CFAP57: variants seen among roughly 807,000 people sequenced by gnomAD.
CFAP57 encodes the protein cilia and flagella associated protein 57.
CFAP57 carries 116 observed loss-of-function variants against 146.8 expected under a neutral mutation model. That is an observed-to-expected ratio of 0.79 (90% CI 0.68 to 0.92). The LOEUF (loss-of-function observed/expected upper bound fraction) is 0.92, where lower values mean the gene tolerates loss of function less well. CFAP57 is among the 40% of genes least tolerant of loss of function. The probability of loss-of-function intolerance (pLI) is 0.00; values close to 1 mark genes in which losing one functional copy is unlikely to be tolerated. For missense variants in CFAP57, 1,377 were observed against 1,527.2 expected (o/e 0.90, Z 1.64); for synonymous variants, 518 against 552.8 (o/e 0.94, Z 0.88).
intron 5 of CFAP57, among the ~76,000 whole-genome samples, chr1:43,185,772 GC>G (rs1643027843): frequency 6.6e-6 from 1 of 151,452 alleles, no homozygotes; most frequent in African/African-American, 2.4e-5. Flanking sequence ...ACAAAAATTA[GC>G]CAAGCGTGGC....
At chr1:43,205,896 G>A (rs529362684) in intron 9 of CFAP57, among the ~76,000 whole-genome samples, 6 of 152,270 alleles carry the variant, frequency 3.9e-5, no homozygotes, top group Admixed American at 3.9e-4. Context: ...CTTAAATGCA[G>A]CAGACTCTGT....
At chr1:43,243,595 G>A (rs2124665095) in intron 22 of CFAP57, among the ~76,000 whole-genome samples, 1 of 152,316 alleles carries the variant, frequency 6.6e-6, no homozygotes, top group South Asian at 2.1e-4. Context: ...CTACCGTTCA[G>A]AATGCAGACT....
chr1:43,232,136 A>G (rs1645497637), intron 18 of CFAP57: 1 of 699,040 alleles, frequency 1.4e-6, no homozygotes, highest in Non-Finnish European at 2.6e-6. Context: ...CAGGTGAGGA[A>G]GGTGCTTCTC....
chr1:43,185,332 T>A lies in CFAP57; in HGVS notation c.945T>A (p.Phe315Leu). 6.2e-7 allele frequency: 1 copy of A among 1,614,030 alleles called. No individual in the cohort carries two copies. Among genetic ancestry groups the A allele is most frequent in the Non-Finnish European group, 8.5e-7 (1 of 1,180,004 alleles). The part of the protein sequence containing the change: ...LLFEKMEEKD[F>L]YRESREIRIP... ...TTGAGAAGATGGAAGAAAAGGATTTTTACCGTGAGAGCAGAGAAATCAGGG... is the reference window on the plus strand; with the variant it reads ...TTGAGAAGATGGAAGAAAAGGATTTATACCGTGAGAGCAGAGAAATCAGGG... Residue 315 changes from phenylalanine to leucine, a missense_variant, in exon 5 of 23, where the codon TTT (phenylalanine) becomes TTA (leucine). Transcript: ENST00000372492.
intron 21 of CFAP57, among the ~76,000 whole-genome samples, 151 bp downstream of exon 21, chr1:43,234,789 T>C (rs745403915): frequency 3.5e-4 from 53 of 152,150 alleles, no homozygotes; most frequent in Middle Eastern, 6.8e-3. Context: ...TTGGCTCCTC[T>C]CCTCTGAGCT....
rs753886087 is a variant in CFAP57, at chr1:43,238,010, A to C, written c.3405+3372A>C. 6.6e-6 allele frequency among the ~76,000 whole-genome samples: 1 copy of C among 152,174 alleles called. No individual in the cohort carries two copies. Among genetic ancestry groups the C allele is most frequent in the Non-Finnish European group, 1.5e-5 (1 of 68,030 alleles). On this transcript the variant is annotated intron_variant, in intron 21 of 22. Transcript: ENST00000372492. The surrounding 1 kb of genome is among the most constrained non-coding windows in gnomAD (Gnocchi z 4.3). ...TAGATGAGAAGTACTTGGAAAGGGG[A>C]AAGTTGTGGTGTCAAAAGGCATTTC...
At chr1:43,227,409 A>G (rs1015594851) in intron 18 of CFAP57, among the ~76,000 whole-genome samples, 4 of 152,122 alleles carry the variant, frequency 2.6e-5, no homozygotes, top group Non-Finnish European at 1.5e-5. Flanking sequence ...GTGCCCTCCT[A>G]AGGGAGATGC....
At chr1:43,209,573 G>A (rs559975358) in intron 10 of CFAP57, among the ~76,000 whole-genome samples, 170 bp from the exon 11 acceptor site, 11 of 152,186 alleles carry the variant, frequency 7.2e-5, no homozygotes, top group African/African-American at 1.2e-4. Flanking sequence ...TCTAGTTTGC[G>A]CCTTTTTTTG....
intron 18 of CFAP57, among the ~76,000 whole-genome samples, chr1:43,230,426 G>A (rs1473747394): frequency 2.0e-5 from 3 of 152,092 alleles, no homozygotes; most frequent in Non-Finnish European, 2.9e-5. Context: ...TTCCACTCCT[G>A]GTCTAAGCCT....
At chr1:43,232,327 G>T (rs1170964983) in intron 18 of CFAP57, among the ~76,000 whole-genome samples, 181 bp from the exon 19 acceptor site, 1 of 152,190 alleles carries the variant, frequency 6.6e-6, no homozygotes, top group Non-Finnish European at 1.5e-5. Flanking sequence ...CAGTCTAGGG[G>T]TGGGGAGCTG....
At chr1:43,185,705 G>T (rs911670543) in intron 5 of CFAP57, among the ~76,000 whole-genome samples, 1 of 143,518 alleles carries the variant, frequency 7.0e-6, no homozygotes, top group East Asian at 2.1e-4. Context: ...AAATTATGAG[G>T]TCAGGAGTTT....
intron 10 of CFAP57, among the ~76,000 whole-genome samples, chr1:43,208,318 A>G (rs1359942879): frequency 6.6e-6 from 1 of 152,238 alleles, no homozygotes; most frequent in African/African-American, 2.4e-5. Context: ...CCAAAGGATT[A>G]TAAATTATGC....
intron 22 of CFAP57, among the ~76,000 whole-genome samples, chr1:43,251,468 A>C (rs1346118880): frequency 6.6e-6 from 1 of 152,206 alleles, no homozygotes; most frequent in African/African-American, 2.4e-5. Flanking sequence ...TCCTTTCCTG[A>C]AGAACGAACT....
Position 43,222,269 on chromosome 1 carries a change from C to T in CFAP57, c.2506C>T (p.Gln836Ter). The T allele has an allele frequency of 6.8e-7, 1 of 1,461,190 alleles. No individual in the cohort carries two copies. The highest frequency in any genetic ancestry group is 9.1e-7 in the Non-Finnish European group (1 of 1,102,516). 90.5% of individuals were successfully genotyped at this position (1,461,190 alleles called of 1,614,324 possible). ...ELTEFYEAKL[Q>*]EKTTLLEEAQ... ...GACTGAGTTTTACGAGGCAAAACTG[C>T]AGGAGAAAACCACCCTTCTGGAAGA... Residue 836 changes from glutamine to a stop codon, truncating the protein, a stop_gained, in exon 15 of 23, where the codon CAG (glutamine) becomes TAG (stop). Transcript: ENST00000372492. LOFTEE classifies it high-confidence loss of function.
intron 17 of CFAP57, 104 bp downstream of exon 17, chr1:43,224,308 C>G: frequency 7.6e-7 from 1 of 1,320,934 alleles, no homozygotes; most frequent in East Asian, 2.6e-5. Context: ...GGACGCATTT[C>G]TTTAACTTGA....
At position 43,172,791 on chromosome 1, in the gene CFAP57, G is replaced by T. The variant is rs1557715402; in HGVS notation, c.38G>T (p.Gly13Val). ...AVVAQTLHVFGLRSHVANNIF... is the reference protein window; with the variant it reads ...AVVAQTLHVFVLRSHVANNIF... ...GTAGCTCAGACGCTGCATGTTTTTG[G>T]TCTTCGATCCCACGTGGCCAACAAT... The change falls in exon 2 of 23, where the codon GGT becomes GTT. Residue 13 changes from glycine to valine, a missense_variant. Transcript: ENST00000372492. The T allele has an allele frequency of 6.2e-7, 1 of 1,614,020 alleles. No homozygotes were observed. The highest frequency in any genetic ancestry group is 8.5e-7 in the Non-Finnish European group (1 of 1,180,036).
chr1:43,219,322 T>G, intron 12 of CFAP57, 60 bp from the exon 13 acceptor site: 1 of 1,501,454 alleles, frequency 6.7e-7, no homozygotes, highest in African/African-American at 1.4e-5. Context: ...GCCGCAGGTT[T>G]AAATATTCTG....
rs913547597 is a variant in CFAP57 at position 43,234,376 on chromosome 1, G to C, written c.3224G>C (p.Arg1075Pro). ...QEPRLLKEKV[R>P]GLFEKYVQRA... is the part of the protein sequence containing the mutation. ...CCGCGGCTGCTGAAGGAGAAGGTTC[G>C]AGGTCTCTTTGAGAAGTACGTGCAG... The change falls in exon 20 of 23, where the codon CGA becomes CCA. Residue 1075 changes from arginine to proline, a missense_variant. By Grantham distance (103) the Arg-to-Pro change is moderately radical (BLOSUM62 -2). Transcript: ENST00000372492. The C allele has an allele frequency of 4.5e-6, 7 of 1,550,400 alleles. No individual in the cohort carries two copies. The highest frequency in any genetic ancestry group is 6.1e-6 in the Non-Finnish European group (7 of 1,146,906).
At chr1:43,212,935 C>CAAAAA (rs374038535) in intron 11 of CFAP57, among the ~76,000 whole-genome samples, 1 of 129,100 alleles carries the variant, frequency 7.7e-6, no homozygotes, top group African/African-American at 2.9e-5. Flanking sequence ...GACTCTATCT[C>CAAAAA]AAAAAAAAAA....
Sources: gnomAD v4.1 joint callset for allele counts (sites outside exome capture counted in the v4.1 genomes callset) on GRCh38, gnomAD v4.1.1 for gene constraint, Gnocchi (gnomAD v3.1) non-coding constraint, MANE v1.5 for transcripts, NCBI Gene and HGNC (gene_info 2026-07-23, HGNC 2026-07-21) for gene names.